The following TOP2A variants were observed in gnomAD, a reference collection of about 807,000 sequenced individuals.
The protein encoded by TOP2A is DNA topoisomerase 2-alpha.
In TOP2A, 68 loss-of-function variants were observed where a neutral mutation model predicts 187.2. The ratio of observed to expected loss-of-function variants is 0.36; its 90% CI spans 0.30 to 0.44. TOP2A has a LOEUF of 0.44. TOP2A is among the 20% of genes least tolerant of loss of function. TOP2A has a pLI of 1.00. For missense variants in TOP2A, 1,196 were observed against 1,808.7 expected, an observed-to-expected ratio of 0.66 and a Z score of 6.14; for synonymous variants, 542 against 593.2, an observed-to-expected ratio of 0.91 and a Z score of 1.25.
intron 29 of TOP2A, among the ~76,000 whole-genome samples, chr17:40,393,194 G>A (rs1460834499): frequency 6.6e-6 from 1 of 151,992 alleles, no homozygotes; most frequent in Non-Finnish European, 1.5e-5. Flanking sequence ...GGTGGAGTGC[G>A]CCTGTGGTTC....
At chr17:40,406,031 G>C (rs1206869518) in intron 16 of TOP2A, among the ~76,000 whole-genome samples, 1 of 151,676 alleles carries the variant, frequency 6.6e-6, no homozygotes, top group African/African-American at 2.4e-5. Flanking sequence ...CTCCCAAAGT[G>C]CTGGGATTAC....
intron 33 of TOP2A, among the ~76,000 whole-genome samples, chr17:40,390,716 C>G (rs2035013457): frequency 6.6e-6 from 1 of 150,410 alleles, no homozygotes; most frequent in Admixed American, 6.6e-5. Context: ...TAGCCTCTGC[C>G]TCCTGGGTTC....
intron 27 of TOP2A, among the ~76,000 whole-genome samples, chr17:40,397,818 G>A (rs1598610621): frequency 8.0e-6 from 1 of 125,558 alleles, no homozygotes; most frequent in East Asian, 2.3e-4. Context: ...CACTCTTGTT[G>A]CCCAGGCTGG....
intron 1 of TOP2A, among the ~76,000 whole-genome samples, chr17:40,417,210 G>A (rs2035401781): frequency 1.3e-5 from 2 of 152,020 alleles, no homozygotes; most frequent in South Asian, 2.1e-4. Flanking sequence ...ATTATTTACC[G>A]AGTGCCTATT....
Position 40,400,532 on chromosome 17 carries a change from G to T in TOP2A, c.2796C>A (p.Thr932=). ...EISELPVRTW[T]QTYKEQVLEP... The stretch of plus-strand genomic sequence containing the variant: ...AAAGAAATCCATAATTATTTACCTG[G>T]GTCCATGTTCTGACGGGAAGCTCTG... The change falls in exon 22 of 35, where the codon ACC becomes ACA. Residue 932 remains threonine (T), a synonymous_variant. Coordinates refer to ENST00000423485, the MANE Select transcript of TOP2A (RefSeq NM_001067.4). The T allele has an allele frequency of 1.2e-6, 2 of 1,606,758 alleles. No homozygotes were observed. Among genetic ancestry groups the T allele is most frequent in the Non-Finnish European group, 1.7e-6 (2 of 1,177,712 alleles).
At chr17:40,405,403 G>A (rs1335886816) in intron 16 of TOP2A, among the ~76,000 whole-genome samples, 2 of 151,302 alleles carry the variant, frequency 1.3e-5, no homozygotes, top group African/African-American at 2.4e-5. Context: ...CACCCGCCTC[G>A]GCCTCCCAAA....
At chr17:40,394,479 C>T (rs1055185163) in intron 29 of TOP2A, among the ~76,000 whole-genome samples, 1 of 152,080 alleles carries the variant, frequency 6.6e-6, no homozygotes, top group African/African-American at 2.4e-5. Context: ...ACTACAGGCA[C>T]GCACCACCAC....
In TOP2A at chr17:40,407,889, A is replaced by G. The variant is rs2035267790; in HGVS notation, c.1500+78T>C. On this transcript the variant is annotated intron_variant, in intron 12 of 34. Transcript: ENST00000423485. ...GTCTAAAATATATTTTAAAATGCCTAATGAGGGAATTAAATATAAGCATAA... is the reference window on the plus strand; with the variant it reads ...GTCTAAAATATATTTTAAAATGCCTGATGAGGGAATTAAATATAAGCATAA... The G allele has an allele frequency of 2.1e-6, 3 of 1,412,864 alleles. No individual in the cohort carries two copies. The East Asian group carries it at 6.9e-5, about 33-fold the overall frequency. The allele number at this position is 1,412,864 out of a possible 1,614,324, so 87.5% of individuals were successfully genotyped here. A position where few individuals can be genotyped will look rare whatever the true frequency, so the allele number is the denominator to read the frequency against.
At chr17:40,409,229 A>G (rs2035287064) in intron 10 of TOP2A, 1 of 247,292 alleles carries the variant, frequency 4.0e-6, no homozygotes, top group Admixed American at 5.1e-5. Flanking sequence ...AAGGGTAGCC[A>G]GGCATGGTGG....
intron 4 of TOP2A, among the ~76,000 whole-genome samples, chr17:40,415,124 G>A (rs1037600871): frequency 1.5e-4 from 23 of 148,914 alleles, no homozygotes; most frequent in East Asian, 2.0e-4. Flanking sequence ...GTGCAATCTC[G>A]GCTCACTGCA....
At chr17:40,412,398 C>T (rs781196089) in intron 7 of TOP2A, among the ~76,000 whole-genome samples, 45 of 152,070 alleles carry the variant, frequency 3.0e-4, no homozygotes, top group Non-Finnish European at 4.7e-4. Context: ...GTAATCCCAG[C>T]ACTTTGGGAG....
intron 4 of TOP2A, among the ~76,000 whole-genome samples, chr17:40,414,583 G>A (rs1470503659): frequency 1.3e-5 from 2 of 152,078 alleles, no homozygotes; most frequent in South Asian, 2.1e-4. Context: ...AGTGGCTCAC[G>A]CCTGTAATCC....
chr17:40,407,003 T>C (rs969742672), intron 13 of TOP2A, 61 bp from the exon 14 acceptor site: 1 of 1,349,570 alleles, frequency 7.4e-7, no homozygotes, highest in Non-Finnish European at 1.0e-6. Flanking sequence ...GTAGCTAACA[T>C]CTGTAATCCC....
intron 27 of TOP2A, among the ~76,000 whole-genome samples, 179 bp downstream of exon 27, chr17:40,398,379 C>T (rs567356226): frequency 6.6e-6 from 1 of 152,170 alleles, no homozygotes; most frequent in South Asian, 2.1e-4. Context: ...GCTGGGATTA[C>T]CAGCGTGAGC....
intron 4 of TOP2A, among the ~76,000 whole-genome samples, chr17:40,415,726 G>A (rs2035381976): frequency 6.6e-6 from 1 of 152,174 alleles, no homozygotes; most frequent in African/African-American, 2.4e-5. Flanking sequence ...CTGGAGGATT[G>A]CTTCAGGCCA....
chr17:40,411,390 CT>C lies in TOP2A; in HGVS notation c.1028del (p.Lys343ArgfsTer9). On this transcript the variant is annotated frameshift_variant, in exon 9 of 35. Coordinates refer to ENST00000423485, the MANE Select transcript of TOP2A (RefSeq NM_001067.4). LOFTEE classifies it high-confidence loss of function. This position sits in a 1 kb window ranked among gnomAD's most constrained non-coding sequence, Gnocchi z 4.4. ...TTACTGCAACACCACCCTTGTTCTT[CT>C]TCTTCACAACATCAACAAGTTTAGT... The part of the protein sequence containing the change: ...IVTKLVDVVK[K>X]KNKGGVAVKA... The C allele has an allele frequency of 6.2e-7, 1 of 1,613,862 alleles. No individual in the cohort carries two copies. Among genetic ancestry groups the C allele is most frequent in the Non-Finnish European group, 8.5e-7 (1 of 1,179,836 alleles).
intron 10 of TOP2A, 76 bp from the exon 11 acceptor site, chr17:40,408,706 G>A: frequency 7.0e-7 from 1 of 1,419,714 alleles, no homozygotes; most frequent in Non-Finnish European, 9.9e-7. Context: ...ATACAAATGA[G>A]CCTTAATACA....
chr17:40,392,818 T>A, intron 29 of TOP2A, 81 bp from the exon 30 acceptor site: 1 of 1,114,598 alleles, frequency 9.0e-7, no homozygotes, highest in Non-Finnish European at 1.3e-6. Context: ...CCTTCAAATT[T>A]ATTAACTCCT....
Position 40,390,121 on chromosome 17 carries a change from G to A in TOP2A, c.4311C>T (p.Ala1437=), listed in dbSNP as rs2035003884. 2 of 1,613,438 alleles carry A rather than the reference G, an allele frequency of 1.2e-6. No homozygotes were observed. Among genetic ancestry groups the A allele is most frequent in the African/African-American group, 2.7e-5 (2 of 74,872 alleles). ...TSTTGAKKRA[A]PKGTKRDPAL... is the part of the protein sequence containing the mutation. Reference sequence around the variant, plus strand: ...CTGGATCCCTTTTAGTTCCTTTTGGGGCAGCCCTTTTTTTGGCACCGGTAG... The same window carrying A: ...CTGGATCCCTTTTAGTTCCTTTTGGAGCAGCCCTTTTTTTGGCACCGGTAG... Residue 1437 remains alanine (A), a synonymous_variant, in exon 34 of 35, where the codon GCC becomes GCT. Transcript: ENST00000423485.
Sources: gnomAD v4.1 joint callset for allele counts (sites outside exome capture counted in the v4.1 genomes callset) on GRCh38, gnomAD v4.1.1 for gene constraint, Gnocchi (gnomAD v3.1) non-coding constraint, MANE v1.5 for transcripts, NCBI Gene and HGNC (gene_info 2026-07-23, HGNC 2026-07-21) for gene names.